ANKRD55: variants seen among roughly 807,000 people sequenced by gnomAD.
The protein encoded by ANKRD55 is ankyrin repeat domain 55, also known as ankyrin repeat domain-containing protein 55.
ANKRD55 carries 41 observed loss-of-function variants against 60.6 expected under a neutral mutation model. That is an observed-to-expected ratio of 0.68 (90% CI 0.53 to 0.88). ANKRD55 has a LOEUF of 0.88. ANKRD55 is among the 40% of genes least tolerant of loss of function. The pLI, the probability that ANKRD55 is intolerant of heterozygous loss-of-function variation, is 0.00. For missense variants in ANKRD55, 732 were observed against 767.6 expected (o/e 0.95, Z 0.55); for synonymous variants, 264 against 290.3 (o/e 0.91, Z 0.92).
At chr5:56,219,386 A>G (rs1165727730) in intron 2 of ANKRD55, among the ~76,000 whole-genome samples, 2 of 152,136 alleles carry the variant, frequency 1.3e-5, no homozygotes, top group Non-Finnish European at 2.9e-5. Context: ...CTTTCCACGT[A>G]TACTGGAATG....
chr5:56,232,520 A>G (rs1192291996), intron 2 of ANKRD55, among the ~76,000 whole-genome samples: 1 of 152,216 alleles, frequency 6.6e-6, no homozygotes, highest in Non-Finnish European at 1.5e-5. Context: ...CAGAATAAAG[A>G]TGACACTATC....
intron 7 of ANKRD55, among the ~76,000 whole-genome samples, chr5:56,140,358 A>T (rs1276117326): frequency 6.6e-6 from 1 of 152,216 alleles, no homozygotes; most frequent in Non-Finnish European, 1.5e-5. Flanking sequence ...ATAGGGAAGG[A>T]GAATGCACAA....
At chr5:56,110,391 C>T (rs1004257960) in intron 10 of ANKRD55, among the ~76,000 whole-genome samples, 1 of 152,078 alleles carries the variant, frequency 6.6e-6, no homozygotes, top group Non-Finnish European at 1.5e-5. Flanking sequence ...AGAGTGTGAC[C>T]TTGTCTCAAA....
At chr5:56,155,079 A>C (rs1357191563) in intron 6 of ANKRD55, among the ~76,000 whole-genome samples, 1 of 152,046 alleles carries the variant, frequency 6.6e-6, no homozygotes, top group African/African-American at 2.4e-5. Context: ...CCAAAAACAA[A>C]AAATGAGCTG....
intron 2 of ANKRD55, among the ~76,000 whole-genome samples, chr5:56,199,987 T>A (rs1406126909): frequency 6.6e-6 from 1 of 152,048 alleles, no homozygotes; most frequent in East Asian, 1.9e-4. Flanking sequence ...TGTGTTTTAA[T>A]TGTAATATGT....
intron 6 of ANKRD55, among the ~76,000 whole-genome samples, chr5:56,151,825 A>AC (rs200393900): frequency 1.3e-3 from 37 of 28,296 alleles, no homozygotes; most frequent in Non-Finnish European, 2.5e-3. Flanking sequence ...AAAAAAAAAA[A>AC]TCTATATATA....
intron 6 of ANKRD55, among the ~76,000 whole-genome samples, chr5:56,154,271 A>G (rs1463996456): frequency 6.7e-6 from 1 of 149,788 alleles, no homozygotes; most frequent in African/African-American, 2.4e-5. Flanking sequence ...CAATGAATTT[A>G]ACTGTTACTC....
chr5:56,159,902 A>G lies in ANKRD55; in HGVS notation c.423-9T>C, dbSNP rs1329911549. The G allele has an allele frequency of 6.2e-7, 1 of 1,612,564 alleles. No homozygotes were observed. The highest frequency in any genetic ancestry group is 1.7e-5 in the Admixed American group (1 of 60,002). On this transcript the variant is annotated splice_polypyrimidine_tract_variant and intron_variant, in intron 5 of 11. Transcript: ENST00000341048. ...ACAGGACCGTGAGGAGCCTGTAAGG[A>G]AAAAATAGGAGAAATGGCTCAAAAT...
Position 56,173,618 on chromosome 5 carries a change from C to T in ANKRD55, c.312+2534G>A, listed in dbSNP as rs537313903. ...TATATATATATATATCTTGGCTCACCACAACTTCCGCCTCCTCCTGGGTTC... is the reference window on the plus strand; with the variant it reads ...TATATATATATATATCTTGGCTCACTACAACTTCCGCCTCCTCCTGGGTTC... On this transcript the variant is annotated intron_variant, in intron 4 of 11. Coordinates refer to ENST00000341048, the MANE Select transcript of ANKRD55 (RefSeq NM_024669.3). 2.0e-4 allele frequency among the ~76,000 whole-genome samples: 25 copies of T among 127,834 alleles called. No homozygotes were observed. In the East Asian group the frequency reaches 5.6e-3, roughly 29 times the overall value. The allele number at this position is 127,834 out of a possible 152,430, so 83.9% of individuals were successfully genotyped here.
intron 2 of ANKRD55, among the ~76,000 whole-genome samples, chr5:56,200,110 C>G (rs1759331090): frequency 6.6e-6 from 1 of 152,074 alleles, no homozygotes; most frequent in African/African-American, 2.4e-5. Flanking sequence ...TTCAAATTCT[C>G]TATAATGAAT....
chr5:56,146,804 A>G (rs1283854378), intron 6 of ANKRD55: 1 of 152,194 alleles, frequency 6.6e-6, no homozygotes, highest in Admixed American at 6.5e-5. Flanking sequence ...ACCCTGCTTA[A>G]CTTCTGAGGT....
intron 2 of ANKRD55, among the ~76,000 whole-genome samples, chr5:56,220,747 A>G (rs571097557): frequency 3.3e-5 from 5 of 152,286 alleles, no homozygotes; most frequent in Admixed American, 3.3e-4. Context: ...CAGGAGGCAG[A>G]GGTTGCAGTG....
At chr5:56,124,640 T>C (rs560869676) in intron 8 of ANKRD55, among the ~76,000 whole-genome samples, 3 of 152,110 alleles carry the variant, frequency 2.0e-5, no homozygotes, top group Admixed American at 6.5e-5. Context: ...CCGGAGTAGC[T>C]AGGATTACAG....
intron 4 of ANKRD55, among the ~76,000 whole-genome samples, chr5:56,173,578 C>G (rs201587779): frequency 1.4e-4 from 10 of 71,664 alleles, no homozygotes; most frequent in Non-Finnish European, 2.0e-4. Context: ...CTCTCTCTCT[C>G]TCTCTATATA....
At chr5:56,129,223 A>G (rs1434636791) in intron 7 of ANKRD55, among the ~76,000 whole-genome samples, 1 of 152,122 alleles carries the variant, frequency 6.6e-6, no homozygotes, top group African/African-American at 2.4e-5. Flanking sequence ...ACTAGACAAG[A>G]AGAAATGGGA....
At chr5:56,132,930 G>C (rs1484505446) in intron 7 of ANKRD55, among the ~76,000 whole-genome samples, 1 of 152,102 alleles carries the variant, frequency 6.6e-6, no homozygotes, top group Non-Finnish European at 1.5e-5. Flanking sequence ...GATAAAGAAG[G>C]GTATTACATA....
At chr5:56,209,702 T>C (rs931850691) in intron 2 of ANKRD55, among the ~76,000 whole-genome samples, 10 of 152,182 alleles carry the variant, frequency 6.6e-5, no homozygotes, top group Non-Finnish European at 1.3e-4. Context: ...CCTGACCTCG[T>C]GATCCACCCG....
At chr5:56,166,090 CT>C (rs1491401425) in intron 5 of ANKRD55, among the ~76,000 whole-genome samples, 46 of 18,566 alleles carry the variant, frequency 2.5e-3, no homozygotes, top group African/African-American at 6.8e-3. Flanking sequence ...TTTTCTTTTT[CT>C]TTCTTTCTTT....
chr5:56,170,653 G>A, intron 5 of ANKRD55, 41 bp downstream of exon 5: 1 of 1,514,458 alleles, frequency 6.6e-7, no homozygotes, highest in Non-Finnish European at 9.2e-7. Context: ...TACAAGTTGA[G>A]TCACTCCCAA....
Sources: gnomAD v4.1 joint callset for allele counts (sites outside exome capture counted in the v4.1 genomes callset) on GRCh38, gnomAD v4.1.1 for gene constraint, MANE v1.5 for transcripts, NCBI Gene and HGNC (gene_info 2026-07-23, HGNC 2026-07-21) for gene names.